SLIT2: variants seen among roughly 807,000 people sequenced by gnomAD.
The protein encoded by SLIT2 is slit guidance ligand 2.
A neutral mutation model predicts 185.7 loss-of-function variants in SLIT2; 41 were observed. The observed-to-expected ratio is 0.22, with a 90% CI of 0.17 to 0.29. The LOEUF is 0.29. Among genes scored for constraint, SLIT2 ranks in the 10% least tolerant of loss-of-function variants. SLIT2 has a pLI of 1.00. For synonymous variants in SLIT2, 693 were observed against 680.2 expected (o/e 1.02, Z -0.29); for missense variants, 1,571 against 1,909.0 (o/e 0.82, Z 3.30).
At chr4:20,262,169 A>G (rs1288457964) in intron 3 of SLIT2, among the ~76,000 whole-genome samples, 1 of 151,848 alleles carries the variant, frequency 6.6e-6, no homozygotes, top group Non-Finnish European at 1.5e-5. Context: ...TGGAGCCTAC[A>G]TTTGACTAAA....
chr4:20,342,309 A>G (rs889564021), intron 4 of SLIT2, among the ~76,000 whole-genome samples: 4 of 152,194 alleles, frequency 2.6e-5, no homozygotes, highest in African/African-American at 9.6e-5. Flanking sequence ...TAAAAATAAA[A>G]GTAAATTTTC....
chr4:20,267,628 G>A (rs1319688942), intron 3 of SLIT2, among the ~76,000 whole-genome samples: 1 of 151,790 alleles, frequency 6.6e-6, no homozygotes, highest in Non-Finnish European at 1.5e-5. Flanking sequence ...TTTCTTAATA[G>A]CTAATTCTTA....
At chr4:20,365,023 C>T (rs1373910215) in intron 4 of SLIT2, among the ~76,000 whole-genome samples, 1 of 152,084 alleles carries the variant, frequency 6.6e-6, no homozygotes, top group Non-Finnish European at 1.5e-5. Context: ...AGTCTAGTCT[C>T]AATCTCTTTC....
chr4:20,558,852 T>C (rs1435433019), intron 26 of SLIT2, among the ~76,000 whole-genome samples: 1 of 152,040 alleles, frequency 6.6e-6, no homozygotes, highest in Non-Finnish European at 1.5e-5. Context: ...ACTAGTTACA[T>C]AGGATTATAG....
chr4:20,364,070 TGAAAG>T (rs568826326), intron 4 of SLIT2, among the ~76,000 whole-genome samples: 5 of 152,284 alleles, frequency 3.3e-5, no homozygotes, highest in African/African-American at 1.2e-4. Flanking sequence ...TTTTTCTACT[TGAAAG>T]GAACGAGGAA....
chr4:20,552,702 G>A (rs1723879281), intron 25 of SLIT2: 1 of 152,062 alleles, frequency 6.6e-6, no homozygotes, highest in South Asian at 2.1e-4. Flanking sequence ...CGAGTATTAT[G>A]ATTCTACACA....
Position 20,442,950 on chromosome 4 carries a change from A to G in SLIT2, c.396-24802A>G, listed in dbSNP as rs1729884917. 2.6e-5 allele frequency among the ~76,000 whole-genome samples: 4 copies of G among 152,196 alleles called. No individual in the cohort carries two copies. The South Asian group carries it at 8.3e-4, about 32-fold the overall frequency. Reference sequence around the variant, plus strand: ...GAAAATTTTGCTATTTCATAGTGAAATAGAAAAGGGCTTTTTTCCCCCTTT... The same window carrying G: ...GAAAATTTTGCTATTTCATAGTGAAGTAGAAAAGGGCTTTTTTCCCCCTTT... On this transcript the variant is annotated intron_variant, in intron 4 of 36. Transcript: ENST00000504154.
intron 4 of SLIT2, among the ~76,000 whole-genome samples, chr4:20,333,763 C>T (rs1720261429): frequency 6.6e-6 from 1 of 152,056 alleles, no homozygotes; most frequent in East Asian, 1.9e-4. Context: ...TGAAAAATAA[C>T]ACAGGTCAAG....
chr4:20,398,884 A>G (rs774496957), intron 4 of SLIT2, among the ~76,000 whole-genome samples: 6 of 151,828 alleles, frequency 4.0e-5, no homozygotes, highest in Admixed American at 6.6e-5. Flanking sequence ...CGACAATACA[A>G]AATTCTAATG....
Position 20,595,854 on chromosome 4 carries a change from A to C in SLIT2, c.3320+20A>C. On this transcript the variant is annotated intron_variant, in intron 31 of 36. Transcript: ENST00000504154. ...TTACAGGTAAAAGCAGAAATGAATAAGACCTAGTGTTCAATAAGACCTAGC... is the reference window on the plus strand; with the variant it reads ...TTACAGGTAAAAGCAGAAATGAATACGACCTAGTGTTCAATAAGACCTAGC... The C allele has an allele frequency of 6.2e-7, 1 of 1,609,206 alleles. No individual in the cohort carries two copies. The highest frequency in any genetic ancestry group is 8.5e-7 in the Non-Finnish European group (1 of 1,175,982).
intron 5 of SLIT2, among the ~76,000 whole-genome samples, chr4:20,476,588 A>G (rs1421460484): frequency 1.3e-5 from 2 of 152,142 alleles, no homozygotes; most frequent in Non-Finnish European, 2.9e-5. Context: ...TGTTAAGCAC[A>G]TTTTATGTGT....
intron 4 of SLIT2, among the ~76,000 whole-genome samples, chr4:20,418,969 G>T (rs1052591631): frequency 6.6e-6 from 1 of 152,120 alleles, no homozygotes; most frequent in Non-Finnish European, 1.5e-5. Flanking sequence ...TGAACAGGAA[G>T]GATATCAGAG....
intron 4 of SLIT2, among the ~76,000 whole-genome samples, chr4:20,444,565 A>G (rs1711555891): frequency 6.6e-6 from 1 of 152,118 alleles, no homozygotes; most frequent in Non-Finnish European, 1.5e-5. Flanking sequence ...ATCAACTGTA[A>G]ACAGAGAACA....
At chr4:20,585,126 A>T (rs1560215977) in intron 29 of SLIT2, among the ~76,000 whole-genome samples, 1 of 151,742 alleles carries the variant, frequency 6.6e-6, no homozygotes, top group Non-Finnish European at 1.5e-5. Flanking sequence ...TGTTTACAAC[A>T]TGTAGCACTT....
chr4:20,332,451 G>A (rs893457999), intron 4 of SLIT2, among the ~76,000 whole-genome samples: 1 of 152,144 alleles, frequency 6.6e-6, no homozygotes, highest in Admixed American at 6.5e-5. Context: ...GCTCACGCCT[G>A]TAATCCTAGC....
intron 29 of SLIT2, among the ~76,000 whole-genome samples, chr4:20,587,211 G>T (rs1577976167): frequency 6.6e-6 from 1 of 151,942 alleles, no homozygotes; most frequent in East Asian, 1.9e-4. Flanking sequence ...TAGAGACAGG[G>T]TTTCACCATG....
At chr4:20,379,373 T>A (rs1193735132) in intron 4 of SLIT2, among the ~76,000 whole-genome samples, 6 of 152,170 alleles carry the variant, frequency 3.9e-5, no homozygotes, top group Non-Finnish European at 4.4e-5. Flanking sequence ...ACTTTACAGA[T>A]GATATTATGT....
chr4:20,557,958 A>G (rs529289901), intron 26 of SLIT2, among the ~76,000 whole-genome samples: 1 of 152,204 alleles, frequency 6.6e-6, no homozygotes, highest in Admixed American at 6.5e-5. Context: ...GATTAGAATT[A>G]GAAGTGGAGC....
At chr4:20,372,007 A>G (rs1723622003) in intron 4 of SLIT2, among the ~76,000 whole-genome samples, 4 of 152,134 alleles carry the variant, frequency 2.6e-5, no homozygotes. Flanking sequence ...GAGAGATTCC[A>G]TTTATCCAGC....
Sources: gnomAD v4.1 joint callset for allele counts (sites outside exome capture counted in the v4.1 genomes callset) on GRCh38, gnomAD v4.1.1 for gene constraint, MANE v1.5 for transcripts, NCBI Gene and HGNC (gene_info 2026-07-23, HGNC 2026-07-21) for gene names.